PDE11A: variants seen among roughly 807,000 people sequenced by gnomAD.
PDE11A encodes dual 3',5'-cyclic-AMP and -GMP phosphodiesterase 11A.
In PDE11A, 100 loss-of-function variants were observed where a neutral mutation model predicts 100.5. That is an observed-to-expected ratio of 1.00 (90% CI 0.85 to 1.18). The LOEUF is 1.18. Among genes scored for constraint, PDE11A ranks in the 50% most tolerant of loss-of-function variants. The pLI is 0.00. For missense variants in PDE11A, 1,141 were observed against 1,152.6 expected (o/e 0.99, Z 0.15); for synonymous variants, 381 against 420.8 (o/e 0.91, Z 1.16).
rs965597407 is a variant in PDE11A, at chr2:178,072,157, C to A, written c.281G>T (p.Gly94Val). The change falls in exon 1 of 20, where the codon GGT (glycine) becomes GTT (valine). Residue 94 changes from glycine to valine, a missense_variant. Gly to Val is a moderately radical substitution (Grantham distance 109, BLOSUM62 -3). Coordinates refer to ENST00000286063, the MANE Select transcript of PDE11A (RefSeq NM_016953.4). ...CCAGCTGGGACTCAAGGGAACCCCA[C>A]CACAGTCCCCGCCACCGGGAAGGGG... The part of the protein sequence containing the change: ...SQPLPGGGDC[G>V]GVPLSPSWAG... The A allele has an allele frequency of 1.9e-6, 3 of 1,613,954 alleles. No homozygotes were observed. In the South Asian group the frequency reaches 3.3e-5, roughly 18 times the overall value.
intron 10 of PDE11A, among the ~76,000 whole-genome samples, chr2:177,736,280 G>C (rs923214577): frequency 6.6e-6 from 1 of 152,114 alleles, no homozygotes; most frequent in Admixed American, 6.6e-5. Context: ...GGGAGGCCGA[G>C]GCAGGTGGAT....
intron 1 of PDE11A, among the ~76,000 whole-genome samples, chr2:178,034,508 C>T (rs564435644): frequency 2.6e-5 from 4 of 152,252 alleles, no homozygotes; most frequent in African/African-American, 9.6e-5. Context: ...TTGAACTCGG[C>T]TATGGACCAA....
At chr2:177,695,047 A>G (rs1262537474) in intron 15 of PDE11A, among the ~76,000 whole-genome samples, 5 of 151,734 alleles carry the variant, frequency 3.3e-5, no homozygotes, top group African/African-American at 1.2e-4. Flanking sequence ...CGGATGCTGA[A>G]AAAATGTTCT....
chr2:177,890,306 T>C (rs1420487425), intron 4 of PDE11A, among the ~76,000 whole-genome samples: 1 of 152,178 alleles, frequency 6.6e-6, no homozygotes, highest in Non-Finnish European at 1.5e-5. Context: ...CTTGTTCCAC[T>C]CACCCTGGCC....
intron 1 of PDE11A, among the ~76,000 whole-genome samples, chr2:178,063,088 G>A (rs1559059272): frequency 6.6e-6 from 1 of 152,072 alleles, no homozygotes; most frequent in Non-Finnish European, 1.5e-5. Flanking sequence ...TCATCAACTT[G>A]GAGATTTCAT....
chr2:177,881,833 T>C (rs962076244), intron 4 of PDE11A, among the ~76,000 whole-genome samples: 1 of 152,254 alleles, frequency 6.6e-6, no homozygotes, highest in Non-Finnish European at 1.5e-5. Context: ...GCCTAAAATA[T>C]TTAGTAGACA....
intron 1 of PDE11A, among the ~76,000 whole-genome samples, chr2:178,022,090 C>A (rs557556063): frequency 6.6e-6 from 1 of 152,014 alleles, no homozygotes; most frequent in South Asian, 2.1e-4. Flanking sequence ...ACTGCTGTGG[C>A]TACATGTAAA....
At chr2:177,649,367 CATAA>C (rs577261770) in intron 19 of PDE11A, among the ~76,000 whole-genome samples, 94 of 152,128 alleles carry the variant, frequency 6.2e-4, no homozygotes, top group Non-Finnish European at 1.1e-3. Context: ...CATCAATGTC[CATAA>C]ATAAATAATT....
At chr2:178,063,358 T>C (rs1431618273) in intron 1 of PDE11A, among the ~76,000 whole-genome samples, 1 of 152,198 alleles carries the variant, frequency 6.6e-6, no homozygotes, top group Non-Finnish European at 1.5e-5. Flanking sequence ...ACCTAGGATT[T>C]GTTTTAATGG....
chr2:178,029,263 T>A (rs1016735964), intron 1 of PDE11A, among the ~76,000 whole-genome samples: 2 of 152,172 alleles, frequency 1.3e-5, no homozygotes, highest in Non-Finnish European at 2.9e-5. Flanking sequence ...GAAATCACCA[T>A]GTCAAATAAC....
In PDE11A at chr2:177,817,926, C is replaced by T. The variant is rs1260223596; in HGVS notation, c.1577-1G>A. 1 of 1,447,146 alleles carries T rather than the reference C, an allele frequency of 6.9e-7. No individual in the cohort carries two copies. The highest frequency in any genetic ancestry group is 1.7e-5 in the Admixed American group (1 of 59,792). The allele number at this position is 1,447,146 out of a possible 1,614,324, so 89.6% of individuals were successfully genotyped here. ...AGTCTGTTTAACACTTGAGCCACTC[C>T]TATGGGGAAAGAGTGGATTATGTGG... is the stretch of plus-strand genomic sequence containing the variant. On this transcript the variant is annotated splice_acceptor_variant, in intron 7 of 19. Coordinates refer to ENST00000286063, the MANE Select transcript of PDE11A (RefSeq NM_016953.4). LOFTEE classifies it high-confidence loss of function.
At chr2:178,032,239 G>A (rs916573627) in intron 1 of PDE11A, among the ~76,000 whole-genome samples, 11 of 152,078 alleles carry the variant, frequency 7.2e-5, no homozygotes, top group Admixed American at 2.0e-4. Context: ...AGACACTATA[G>A]GAGAATATTT....
chr2:177,965,153 C>T (rs992246677), intron 2 of PDE11A, among the ~76,000 whole-genome samples: 14 of 151,966 alleles, frequency 9.2e-5, no homozygotes, highest in African/African-American at 2.9e-4. Flanking sequence ...GCTTGCTGGC[C>T]GTATGTATGT....
At chr2:177,666,545 C>A (rs2080587171) in intron 18 of PDE11A, among the ~76,000 whole-genome samples, 3 of 152,232 alleles carry the variant, frequency 2.0e-5, no homozygotes, top group African/African-American at 7.2e-5. Context: ...TTTTCCACAG[C>A]CTCACCCAAC....
At chr2:177,722,121 G>A (rs2105440390) in intron 12 of PDE11A, among the ~76,000 whole-genome samples, 1 of 152,186 alleles carries the variant, frequency 6.6e-6, no homozygotes, top group Admixed American at 6.6e-5. Flanking sequence ...AAAATCTCAA[G>A]AATAAATTCA....
chr2:177,711,487 C>G (rs1201852226), intron 13 of PDE11A, among the ~76,000 whole-genome samples: 2 of 152,140 alleles, frequency 1.3e-5, no homozygotes, highest in East Asian at 3.8e-4. Flanking sequence ...GGCAAATATT[C>G]TGGGAGGAAA....
At chr2:178,090,263 CAAT>C (rs2087405225) in intron 2 of PDE11A, among the ~76,000 whole-genome samples, 2 of 152,122 alleles carry the variant, frequency 1.3e-5, no homozygotes, top group South Asian at 2.1e-4. Flanking sequence ...AATATATATT[CAAT>C]AATAACACCT....
At chr2:178,053,700 C>T (rs1244482948) in intron 1 of PDE11A, among the ~76,000 whole-genome samples, 1 of 152,202 alleles carries the variant, frequency 6.6e-6, no homozygotes, top group African/African-American at 2.4e-5. Context: ...AAATCACAAG[C>T]ATTCCTATAT....
intron 2 of PDE11A, among the ~76,000 whole-genome samples, chr2:177,963,190 C>T (rs1317709634): frequency 6.6e-6 from 1 of 152,082 alleles, no homozygotes; most frequent in Non-Finnish European, 1.5e-5. Context: ...AAATATCTTC[C>T]ACTAAATTTA....
Sources: gnomAD v4.1 joint callset for allele counts (sites outside exome capture counted in the v4.1 genomes callset) on GRCh38, gnomAD v4.1.1 for gene constraint, MANE v1.5 for transcripts, NCBI Gene and HGNC (gene_info 2026-07-23, HGNC 2026-07-21) for gene names.